Variants in PCDHA13 observed in about 807,000 individuals in gnomAD.
PCDHA13 encodes the protein protocadherin alpha-13.
In PCDHA13, 54 loss-of-function variants were observed where a neutral mutation model predicts 64.8. The ratio of observed to expected loss-of-function variants is 0.83; its 90% CI spans 0.67 to 1.04. The LOEUF is 1.04. PCDHA13 is among the 50% of genes least tolerant of loss of function. The pLI is 0.00. For synonymous variants in PCDHA13, 587 were observed against 564.4 expected, an observed-to-expected ratio of 1.04 and a Z score of -0.57; for missense variants, 1,248 against 1,254.3, an observed-to-expected ratio of 0.99 and a Z score of 0.08.
chr5:140,999,527 C>T (rs578180518), intron 3 of PCDHA13, among the ~76,000 whole-genome samples: 27 of 152,206 alleles, frequency 1.8e-4, no homozygotes, highest in African/African-American at 5.8e-4. Flanking sequence ...TTGTTACCCC[C>T]TGGATATGAC....
At chr5:140,927,882 G>A in intron 1 of PCDHA13, 2 of 1,614,224 alleles carry the variant, frequency 1.2e-6, no homozygotes, top group Non-Finnish European at 1.7e-6. Context: ...TGGTGGAGGT[G>A]ACTGACGTGA....
chr5:140,929,645 C>G (rs1271694172), intron 1 of PCDHA13: 1 of 366,374 alleles, frequency 2.7e-6, no homozygotes, highest in Non-Finnish European at 5.0e-6. Context: ...ATGTGTAAGG[C>G]ACTCTAATAT....
intron 1 of PCDHA13, chr5:140,968,517 C>T: frequency 6.2e-7 from 1 of 1,614,206 alleles, no homozygotes; most frequent in Non-Finnish European, 8.5e-7. Flanking sequence ...TACCCTACCT[C>T]AACCAACTCG....
intron 1 of PCDHA13, among the ~76,000 whole-genome samples, chr5:140,896,222 A>G (rs1554186870): frequency 6.6e-6 from 1 of 152,222 alleles, no homozygotes; most frequent in Non-Finnish European, 1.5e-5. Context: ...ATGTGTCTTT[A>G]TAGTAGAATG....
At chr5:140,967,690 C>T (rs782694266) in intron 1 of PCDHA13, 1 of 1,614,190 alleles carries the variant, frequency 6.2e-7, no homozygotes, top group Admixed American at 1.7e-5. Flanking sequence ...GGCAGCTCTT[C>T]AGCATAGATG....
intron 1 of PCDHA13, among the ~76,000 whole-genome samples, chr5:140,896,590 T>G (rs1338982892): frequency 6.6e-6 from 1 of 152,032 alleles, no homozygotes; most frequent in Non-Finnish European, 1.5e-5. Flanking sequence ...TTGGCCAGGC[T>G]GGTCTCGAAC....
intron 3 of PCDHA13, among the ~76,000 whole-genome samples, chr5:141,007,858 G>A (rs376865557): frequency 6.6e-6 from 1 of 152,116 alleles, no homozygotes; most frequent in African/African-American, 2.4e-5. Context: ...GTCCTTAAAG[G>A]TCTTTTCCTT....
chr5:140,942,316 A>G (rs1197832358), intron 1 of PCDHA13, among the ~76,000 whole-genome samples: 1 of 152,100 alleles, frequency 6.6e-6, no homozygotes, highest in Non-Finnish European at 1.5e-5. Flanking sequence ...AGGTCGAGGC[A>G]CAAGAATCAC....
At chr5:140,942,992 C>T (rs782446748) in intron 1 of PCDHA13, among the ~76,000 whole-genome samples, 3 of 152,006 alleles carry the variant, frequency 2.0e-5, no homozygotes, top group South Asian at 2.1e-4. Flanking sequence ...TGTGGTGGCT[C>T]ATGCCTGTAA....
chr5:140,991,244 G>A (rs535469323), intron 3 of PCDHA13, among the ~76,000 whole-genome samples: 2 of 152,278 alleles, frequency 1.3e-5, no homozygotes, highest in South Asian at 4.1e-4. Flanking sequence ...GGTAAAGGCA[G>A]TATTTGAACT....
intron 3 of PCDHA13, among the ~76,000 whole-genome samples, chr5:141,001,535 G>A (rs2098024806): frequency 6.6e-6 from 1 of 152,182 alleles, no homozygotes; most frequent in South Asian, 2.1e-4. Flanking sequence ...TCTGATCCTG[G>A]ACAGGATTTG....
intron 1 of PCDHA13, among the ~76,000 whole-genome samples, chr5:140,976,583 G>A (rs1360171256): frequency 8.6e-5 from 13 of 151,966 alleles, no homozygotes; most frequent in African/African-American, 3.1e-4. Flanking sequence ...ATAAAACACA[G>A]ACTTTTGTGT....
At position 140,927,139 on chromosome 5, in the gene PCDHA13, C is replaced by G. The variant is rs782726149; in HGVS notation, c.2394+42477C>G. 6 of 1,613,928 alleles carry G rather than the reference C, an allele frequency of 3.7e-6. No homozygotes were observed. The Admixed American group carries it at 5.0e-5, about 13-fold the overall frequency. On this transcript the variant is annotated intron_variant, in intron 1 of 3. Coordinates refer to ENST00000289272, the MANE Select transcript of PCDHA13 (RefSeq NM_018904.3). Reference sequence around the variant, plus strand: ...TTTGGTGGTCAGAGAGCCGGCGGACCGCGAACAGCTGTGCAGGGCCAAAGC... The same window carrying G: ...TTTGGTGGTCAGAGAGCCGGCGGACGGCGAACAGCTGTGCAGGGCCAAAGC...
chr5:140,998,017 C>T (rs555584429), intron 3 of PCDHA13, among the ~76,000 whole-genome samples: 67 of 152,292 alleles, frequency 4.4e-4, no homozygotes, highest in African/African-American at 1.4e-3. Context: ...ATCCCCACCT[C>T]GAGCTAGTGC....
chr5:140,882,501 A>G lies in PCDHA13; in HGVS notation c.233A>G (p.Asn78Ser), dbSNP rs782169319. The change falls in exon 1 of 4, where the codon AAT becomes AGT. Residue 78 changes from asparagine (N) to serine (S), a missense_variant. By Grantham distance (46) the Asn-to-Ser change is conservative (BLOSUM62 1). Transcript: ENST00000289272. Reference sequence around the variant, plus strand: ...AGACACGGGGACCTTCTGGAGGTAAATCTGCAGAATGGCATTTTGTTTGTG... The same window carrying G: ...AGACACGGGGACCTTCTGGAGGTAAGTCTGCAGAATGGCATTTTGTTTGTG... ...SKRHGDLLEV[N>S]LQNGILFVNS... 1 of 1,614,098 alleles carries G rather than the reference A, an allele frequency of 6.2e-7. No individual in the cohort carries two copies. Among genetic ancestry groups the G allele is most frequent in the Non-Finnish European group, 8.5e-7 (1 of 1,180,032 alleles).
intron 1 of PCDHA13, among the ~76,000 whole-genome samples, chr5:140,895,983 G>A (rs1186137755): frequency 1.3e-5 from 2 of 151,942 alleles, no homozygotes; most frequent in Non-Finnish European, 2.9e-5. Context: ...GCTAATTTTT[G>A]TATTTTAAGT....
intron 1 of PCDHA13, among the ~76,000 whole-genome samples, chr5:140,965,377 A>G (rs1479954226): frequency 6.6e-6 from 1 of 152,190 alleles, no homozygotes; most frequent in Non-Finnish European, 1.5e-5. Flanking sequence ...AAACTTGGGG[A>G]CACAGAAGAA....
chr5:140,901,466 C>T (rs782517412), intron 1 of PCDHA13, among the ~76,000 whole-genome samples: 3 of 152,062 alleles, frequency 2.0e-5, no homozygotes, highest in Admixed American at 6.5e-5. Flanking sequence ...TGTCTTTTCT[C>T]GAGTTTATGT....
intron 1 of PCDHA13, among the ~76,000 whole-genome samples, chr5:140,963,787 A>G (rs155812): frequency 0.31 from 47,834 of 152,128 alleles, 7,882 homozygotes; most frequent in East Asian, 0.53. Context: ...AACAACAACA[A>G]TAATGTACTT....
Sources: allele counts gnomAD v4.1 joint callset (sites outside exome capture counted in the v4.1 genomes callset), GRCh38; gene constraint gnomAD v4.1.1; transcripts MANE v1.5; gene names NCBI Gene and HGNC (gene_info 2026-07-23, HGNC 2026-07-21).